The following LRBA variants were observed in gnomAD, a reference collection of about 807,000 sequenced individuals.
The protein encoded by LRBA is LPS responsive beige-like anchor protein, also known as lipopolysaccharide-responsive and beige-like anchor protein.
In LRBA, 176 loss-of-function variants were observed where a neutral mutation model predicts 330.0. That is an observed-to-expected ratio of 0.53 (90% CI 0.47 to 0.60). LRBA has a LOEUF of 0.60. Among genes scored for constraint, LRBA ranks in the 20% least tolerant of loss-of-function variants. LRBA has a pLI of 0.00. For synonymous variants in LRBA, 1,230 were observed against 1,193.0 expected (o/e 1.03, Z -0.64); for missense variants, 3,259 against 3,444.8 (o/e 0.95, Z 1.35).
intron 53 of LRBA, among the ~76,000 whole-genome samples, chr4:150,290,194 GTTAA>G (rs1365502046): frequency 6.6e-6 from 1 of 152,122 alleles, no homozygotes; most frequent in East Asian, 1.9e-4. Flanking sequence ...AGCCCACATA[GTTAA>G]TACCCAGGGA....
chr4:150,362,306 C>T (rs1738827666), intron 47 of LRBA, among the ~76,000 whole-genome samples: 1 of 152,118 alleles, frequency 6.6e-6, no homozygotes, highest in Admixed American at 6.5e-5. Flanking sequence ...CCAAGTCATT[C>T]TTTCTTTTCC....
At chr4:150,540,862 G>A (rs1037410954) in intron 40 of LRBA, among the ~76,000 whole-genome samples, 1 of 152,122 alleles carries the variant, frequency 6.6e-6, no homozygotes, top group Non-Finnish European at 1.5e-5. Context: ...TTTTGTTGCT[G>A]TAAATTTTTA....
intron 2 of LRBA, among the ~76,000 whole-genome samples, chr4:150,973,767 A>C (rs993157931): frequency 2.6e-5 from 4 of 152,130 alleles, no homozygotes; most frequent in Non-Finnish European, 1.5e-5. Flanking sequence ...CTGAAGCGAG[A>C]AGATCACTTC....
intron 17 of LRBA, among the ~76,000 whole-genome samples, chr4:150,882,592 T>C (rs984178768): frequency 3.3e-5 from 5 of 152,136 alleles, no homozygotes; most frequent in East Asian, 3.9e-4. Flanking sequence ...TTTAAAGAAA[T>C]AGATATGGAT....
rs72736348 is a variant in LRBA at position 150,616,203 on chromosome 4, T to C, written c.5922-17072A>G. On this transcript the variant is annotated intron_variant, in intron 37 of 56. Coordinates refer to ENST00000651943, the MANE Select transcript of LRBA (RefSeq NM_001364905.1). ...GACAGGATATATAATTCGAGAGACA[T>C]TGATGACTAGTGTTTACATAATACA... 1.6e-3 allele frequency among the ~76,000 whole-genome samples: 243 copies of C among 152,260 alleles called. 1 individual carries two copies. The highest frequency in any genetic ancestry group is 3.7e-3 in the Admixed American group (56 of 15,298).
intron 40 of LRBA, among the ~76,000 whole-genome samples, chr4:150,552,260 T>C (rs955047991): frequency 6.6e-6 from 1 of 152,114 alleles, no homozygotes; most frequent in African/African-American, 2.4e-5. Flanking sequence ...ATCCAAAAAA[T>C]AGTCAAGTCA....
chr4:150,766,501 T>G (rs1219779545), intron 34 of LRBA, among the ~76,000 whole-genome samples: 3 of 152,096 alleles, frequency 2.0e-5, no homozygotes, highest in Non-Finnish European at 4.4e-5. Context: ...TTGCCAAAAC[T>G]AAAAAGAATA....
intron 37 of LRBA, among the ~76,000 whole-genome samples, chr4:150,610,222 C>T (rs771354342): frequency 2.6e-5 from 4 of 152,090 alleles, no homozygotes; most frequent in Non-Finnish European, 5.9e-5. Flanking sequence ...GAGGTAGCAT[C>T]GATCTGCAGA....
intron 34 of LRBA, among the ~76,000 whole-genome samples, chr4:150,767,309 A>G (rs1296358434): frequency 6.6e-6 from 1 of 152,200 alleles, no homozygotes; most frequent in Non-Finnish European, 1.5e-5. Flanking sequence ...CAATTTTAAA[A>G]GTAATTCCCA....
At chr4:150,793,507 G>A (rs996892676) in intron 34 of LRBA, among the ~76,000 whole-genome samples, 4 of 152,046 alleles carry the variant, frequency 2.6e-5, no homozygotes, top group Non-Finnish European at 5.9e-5. Context: ...CCAAAATATG[G>A]TGACTTATGA....
intron 17 of LRBA, among the ~76,000 whole-genome samples, chr4:150,885,463 A>G (rs931097245): frequency 1.3e-5 from 2 of 152,082 alleles, no homozygotes; most frequent in African/African-American, 4.8e-5. Flanking sequence ...TCTACTAAAA[A>G]TACAAAAATT....
intron 44 of LRBA, among the ~76,000 whole-genome samples, chr4:150,441,922 G>A (rs1317872175): frequency 6.6e-6 from 1 of 152,030 alleles, no homozygotes; most frequent in African/African-American, 2.4e-5. Flanking sequence ...AAGAGTTCCT[G>A]GCACACACAC....
intron 35 of LRBA, 150 bp from the exon 36 acceptor site, chr4:150,735,516 G>A (rs1731070235): frequency 1.6e-6 from 1 of 629,566 alleles, no homozygotes; most frequent in Non-Finnish European, 2.8e-6. Flanking sequence ...CTAAATAATT[G>A]AGGAATGTAA....
chr4:150,340,943 T>C (rs1291209226), intron 48 of LRBA, among the ~76,000 whole-genome samples: 1 of 152,022 alleles, frequency 6.6e-6, no homozygotes, highest in East Asian at 1.9e-4. Context: ...ATTCTATGTT[T>C]GATGTGAAAT....
intron 34 of LRBA, among the ~76,000 whole-genome samples, chr4:150,773,900 G>T (rs946858386): frequency 1.3e-5 from 2 of 152,102 alleles, no homozygotes; most frequent in Non-Finnish European, 2.9e-5. Context: ...AGGTCTCTTG[G>T]ACTCATTGTC....
chr4:150,700,264 G>A (rs1459143354), intron 36 of LRBA, among the ~76,000 whole-genome samples: 1 of 152,140 alleles, frequency 6.6e-6, no homozygotes, highest in Non-Finnish European at 1.5e-5. Flanking sequence ...ATGGCTTAAT[G>A]ACGAGGGCAT....
intron 2 of LRBA, among the ~76,000 whole-genome samples, chr4:150,978,043 G>A (rs1051558370): frequency 6.6e-6 from 1 of 152,222 alleles, no homozygotes; most frequent in Admixed American, 6.5e-5. Context: ...AGTGAATATA[G>A]AGAGTAGCCA....
At chr4:150,906,035 G>C (rs752048667) in intron 12 of LRBA, 45 bp from the exon 13 acceptor site, 13 of 1,557,320 alleles carry the variant, frequency 8.3e-6, no homozygotes, top group Non-Finnish European at 1.1e-5. Context: ...TCAAGTCAAA[G>C]TAAGTGAATT....
At chr4:150,293,028 T>G (rs1728527480) in intron 53 of LRBA, among the ~76,000 whole-genome samples, 1 of 152,034 alleles carries the variant, frequency 6.6e-6, no homozygotes, top group Admixed American at 6.6e-5. Context: ...GAAAACAAAT[T>G]AAGAAATAAA....
Sources: allele counts gnomAD v4.1 joint callset (sites outside exome capture counted in the v4.1 genomes callset), GRCh38; gene constraint gnomAD v4.1.1; transcripts MANE v1.5; gene names NCBI Gene and HGNC (gene_info 2026-07-23, HGNC 2026-07-21).